The following PCCA variants were observed in gnomAD, a reference collection of about 807,000 sequenced individuals.
The protein encoded by PCCA is propionyl-CoA carboxylase subunit alpha.
In PCCA, 74 loss-of-function variants were observed where a neutral mutation model predicts 101.3. That is an observed-to-expected ratio of 0.73 (90% CI 0.61 to 0.89). The LOEUF (loss-of-function observed/expected upper bound fraction) is 0.89. Ranked by LOEUF, PCCA falls within the 40% of genes least tolerant of loss-of-function variation. The pLI, the probability that PCCA is intolerant of heterozygous loss-of-function variation, is 0.00. For missense variants in PCCA, 891 were observed against 907.0 expected (o/e 0.98, Z 0.23); for synonymous variants, 294 against 313.6 (o/e 0.94, Z 0.66).
At chr13:100,440,454 C>G (rs2080288680) in intron 20 of PCCA, among the ~76,000 whole-genome samples, 2 of 151,166 alleles carry the variant, frequency 1.3e-5, no homozygotes, top group African/African-American at 4.8e-5. Context: ...ATGTTATTTT[C>G]TTTTCAGTTT....
intron 21 of PCCA, among the ~76,000 whole-genome samples, chr13:100,512,409 A>G (rs1259490276): frequency 6.6e-6 from 1 of 152,146 alleles, no homozygotes; most frequent in African/African-American, 2.4e-5. Context: ...GTGTGGGTTG[A>G]GGAGTCCCAC....
chr13:100,488,219 G>A (rs963278411), intron 21 of PCCA, among the ~76,000 whole-genome samples: 3 of 152,116 alleles, frequency 2.0e-5, no homozygotes, highest in East Asian at 3.9e-4. Flanking sequence ...TCAGCCTCCC[G>A]AGTAGCTGGG....
chr13:100,469,071 C>T (rs1260267110), intron 21 of PCCA, among the ~76,000 whole-genome samples: 2 of 151,734 alleles, frequency 1.3e-5, no homozygotes, highest in African/African-American at 2.4e-5. Flanking sequence ...ACTAGCCGGA[C>T]GTGGTGGCAC....
intron 6 of PCCA, among the ~76,000 whole-genome samples, chr13:100,195,248 T>G (rs1257260989): frequency 6.6e-6 from 1 of 152,174 alleles, no homozygotes; most frequent in Non-Finnish European, 1.5e-5. Context: ...TGAAGCTTCT[T>G]ACCTTCTTCT....
intron 18 of PCCA, among the ~76,000 whole-genome samples, chr13:100,341,957 G>GTATATATATATATA (rs35822001): frequency 0.015 from 1,656 of 106,992 alleles, 55 homozygotes; most frequent in African/African-American, 0.033. Flanking sequence ...ACCCTTCAAA[G>GTATATATATATATA]TATATATATA....
intron 21 of PCCA, among the ~76,000 whole-genome samples, chr13:100,451,260 A>C (rs9518075): frequency 0.2 from 29,913 of 152,122 alleles, 3,176 homozygotes; most frequent in Admixed American, 0.23. Context: ...TGTTTGACCT[A>C]ACATCTGGGT....
intron 6 of PCCA, among the ~76,000 whole-genome samples, chr13:100,172,344 A>G (rs1365843318): frequency 6.6e-6 from 1 of 152,176 alleles, no homozygotes; most frequent in African/African-American, 2.4e-5. Flanking sequence ...TTTTTTAAAA[A>G]CAAATATTTT....
At chr13:100,202,687 T>C (rs1037524606) in intron 6 of PCCA, among the ~76,000 whole-genome samples, 3 of 151,606 alleles carry the variant, frequency 2.0e-5, no homozygotes, top group South Asian at 2.1e-4. Context: ...ATTATTCATA[T>C]GTTGGATGTT....
rs541548324 is a variant in PCCA at position 100,150,564 on chromosome 13, G to A, written c.301-4415G>A. ...CCACCAATAGTGTGGTGGAACTTACGGCCGTTTCCAAGGGCCAGGGCTCTT... is the reference window on the plus strand; with the variant it reads ...CCACCAATAGTGTGGTGGAACTTACAGCCGTTTCCAAGGGCCAGGGCTCTT... On this transcript the variant is annotated intron_variant, in intron 4 of 23. Coordinates refer to ENST00000376285, the MANE Select transcript of PCCA (RefSeq NM_000282.4). The A allele has an allele frequency of 1.4e-5, 18 of 1,263,510 alleles. No individual in the cohort carries two copies. The East Asian group carries it at 3.7e-4, about 26-fold the overall frequency. 78.3% of individuals were successfully genotyped at this position (1,263,510 alleles called of 1,614,324 possible). A position where few individuals can be genotyped will look rare whatever the true frequency, so the allele number is the denominator to read the frequency against.
intron 19 of PCCA, among the ~76,000 whole-genome samples, chr13:100,389,406 C>T (rs747856653): frequency 2.9e-4 from 44 of 152,228 alleles, no homozygotes; most frequent in Middle Eastern, 6.8e-3. Context: ...AACCAAATGC[C>T]GCATGTTCAC....
At chr13:100,526,341 A>G (rs2087811778) in intron 22 of PCCA, among the ~76,000 whole-genome samples, 2 of 152,242 alleles carry the variant, frequency 1.3e-5, no homozygotes, top group Non-Finnish European at 2.9e-5. Context: ...TTCCAGGCCC[A>G]GCTCCTCAGC....
At chr13:100,288,861 C>T (rs950271206) in intron 12 of PCCA, among the ~76,000 whole-genome samples, 1 of 151,508 alleles carries the variant, frequency 6.6e-6, no homozygotes, top group Non-Finnish European at 1.5e-5. Flanking sequence ...ACTTTCTTTT[C>T]CTCATTGTAA....
In PCCA at chr13:100,159,831, C is replaced by T. The variant is rs186468930; in HGVS notation, c.468+2491C>T. Among the ~76,000 whole-genome samples, 313 of 152,288 alleles carry T rather than the reference C, an allele frequency of 2.1e-3. 1 individual carries two copies. Among genetic ancestry groups the T allele is most frequent in the African/African-American group, 7.1e-3 (297 of 41,564 alleles). ...CTGGGTGGGTGTGCCTGGCCTCCCA[C>T]CCACCGTGTCTAACTGCTGCCTGCC... On this transcript the variant is annotated intron_variant, in intron 6 of 23. Transcript: ENST00000376285.
chr13:100,271,367 T>G (rs1296431625), intron 11 of PCCA, among the ~76,000 whole-genome samples: 6 of 151,918 alleles, frequency 3.9e-5, no homozygotes, highest in Non-Finnish European at 8.8e-5. Flanking sequence ...GGAAGTACAC[T>G]TCCCACCTGT....
chr13:100,281,387 G>A (rs1180385922), intron 12 of PCCA, among the ~76,000 whole-genome samples: 3 of 152,212 alleles, frequency 2.0e-5, no homozygotes, highest in African/African-American at 7.2e-5. Context: ...GACATTAAAT[G>A]TGTGTGTATA....
chr13:100,330,735 A>T, intron 17 of PCCA, 64 bp downstream of exon 17: 1 of 946,306 alleles, frequency 1.1e-6, no homozygotes, highest in Non-Finnish European at 1.7e-6. Flanking sequence ...ATTGTAATAC[A>T]TAATTTCACT....
chr13:100,116,058 G>T (rs2048767055), intron 4 of PCCA, among the ~76,000 whole-genome samples: 1 of 152,122 alleles, frequency 6.6e-6, no homozygotes, highest in Non-Finnish European at 1.5e-5. Context: ...CAGTCTCAAG[G>T]AGGCTGAAAA....
chr13:100,292,876 T>C (rs2065235590), intron 12 of PCCA, among the ~76,000 whole-genome samples: 1 of 152,114 alleles, frequency 6.6e-6, no homozygotes, highest in Non-Finnish European at 1.5e-5. Context: ...ATTTACTACA[T>C]GGCTTAGGCC....
intron 21 of PCCA, among the ~76,000 whole-genome samples, chr13:100,505,872 C>T (rs560046184): frequency 4.0e-4 from 60 of 151,476 alleles, no homozygotes; most frequent in Non-Finnish European, 6.0e-4. Context: ...CCATCCCCCC[C>T]AAAAAAATCC....
Sources: allele counts gnomAD v4.1 joint callset (sites outside exome capture counted in the v4.1 genomes callset), GRCh38; gene constraint gnomAD v4.1.1; transcripts MANE v1.5; gene names NCBI Gene and HGNC (gene_info 2026-07-23, HGNC 2026-07-21).